OPHN1: variants seen among roughly 807,000 people sequenced by gnomAD.
OPHN1 encodes oligophrenin-1.
Under a neutral mutation model 60.7 loss-of-function variants are expected in OPHN1, and 11 were observed. The ratio of observed to expected loss-of-function variants is 0.18; its 90% CI spans 0.11 to 0.30. The LOEUF (loss-of-function observed/expected upper bound fraction) is 0.30, where lower values mean the gene tolerates loss of function less well. OPHN1 is among the 10% of genes least tolerant of loss of function. The pLI, the probability that OPHN1 is intolerant of heterozygous loss-of-function variation, is 1.00. For synonymous variants in OPHN1, 226 were observed against 222.6 expected, an observed-to-expected ratio of 1.02 and a Z score of -0.14; for missense variants, 449 against 611.0, an observed-to-expected ratio of 0.73 and a Z score of 2.80.
rs1166385331 is a variant in OPHN1, at chrX:68,073,171, A to G, written c.1815T>C (p.Ser605=). ...LLRERTVFYT[S]SLDESEDEIQ... ...ACTGACCTTCGCTTTCATCCAGGGA[A>G]GAAGTATAGAAAACCGTCCTTTCTC... Residue 605 remains serine, a synonymous_variant, in exon 20 of 25, where the codon TCT becomes TCC. Coordinates refer to ENST00000355520, the MANE Select transcript of OPHN1 (RefSeq NM_002547.3). 25 of 1,208,034 alleles carry G rather than the reference A, an allele frequency of 2.1e-5. No homozygotes were observed. In the Admixed American group the frequency reaches 5.5e-4, roughly 26 times the overall value.
At position 68,046,430 on chromosome X, in the gene OPHN1, G is replaced by T. The variant is rs1416345024; in HGVS notation, c.*742C>A. The stretch of plus-strand genomic sequence containing the variant: ...CTTGACAGGAAGCTGTCAAAAAAAA[G>T]GAGAAAGAATAATCCAAATAGACCT... On this transcript the variant is annotated 3_prime_UTR_variant, in exon 25 of 25. Coordinates refer to ENST00000355520, the MANE Select transcript of OPHN1 (RefSeq NM_002547.3). 2 of 112,112 alleles carry T rather than the reference G, an allele frequency of 1.8e-5. No individual in the cohort carries two copies. The highest frequency in any genetic ancestry group is 6.5e-5 in the African/African-American group (2 of 30,857). 9.2% of individuals were successfully genotyped at this position (112,112 alleles called of 1,213,427 possible).
intron 5 of OPHN1, among the ~76,000 whole-genome samples, chrX:68,262,078 C>T (rs1015022406): frequency 2.7e-5 from 3 of 111,119 alleles, no homozygotes; most frequent in Non-Finnish European, 3.8e-5. Flanking sequence ...CAGAAGTAAG[C>T]AGTACAAGAA....
At chrX:68,258,533 G>A (rs182536827) in intron 5 of OPHN1, among the ~76,000 whole-genome samples, 7 of 106,106 alleles carry the variant, frequency 6.6e-5, no homozygotes, top group Admixed American at 2.0e-4. Context: ...TTGTCCTTGC[G>A]ATAGTTTGCT....
chrX:68,127,142 T>C (rs2077175093), intron 15 of OPHN1, among the ~76,000 whole-genome samples: 1 of 111,321 alleles, frequency 9.0e-6, no homozygotes, highest in African/African-American at 3.3e-5. Flanking sequence ...AAAAGTTTCC[T>C]CCATAAAAAG....
At chrX:68,245,073 T>C (rs1045980364) in intron 5 of OPHN1, among the ~76,000 whole-genome samples, 3 of 111,712 alleles carry the variant, frequency 2.7e-5, no homozygotes, top group African/African-American at 9.8e-5. Context: ...ACTCTCAATA[T>C]TCCCAATGTA....
rs727504062 is a variant in OPHN1 at position 68,274,762 on chromosome X, C to T, written c.360G>A (p.Arg120=). 2.5e-6 allele frequency: 3 copies of T among 1,204,046 alleles called. No homozygotes were observed. The Middle Eastern group carries it at 7.2e-4, about 288-fold the overall frequency. The change falls in exon 5 of 25, where the codon CGG becomes CGA. Residue 120 remains arginine, a synonymous_variant. Transcript: ENST00000355520. ...CCTTGGTGAAGCCTATTTGTTCCTTCCGGAAATTTTCCAAGGGTTTAATCA... is the reference window on the plus strand; with the variant it reads ...CCTTGGTGAAGCCTATTTGTTCCTTTCGGAAATTTTCCAAGGGTTTAATCA... ...DLLIKPLENF[R]KEQIGFTKER...
chrX:68,179,599 C>T (rs779602372), intron 15 of OPHN1, among the ~76,000 whole-genome samples: 7 of 111,481 alleles, frequency 6.3e-5, no homozygotes, highest in Admixed American at 9.6e-5. Flanking sequence ...TCACTGTATC[C>T]GGCTTTGAGC....
chrX:68,106,072 C>T (rs762926582), intron 18 of OPHN1, among the ~76,000 whole-genome samples: 5 of 81,420 alleles, frequency 6.1e-5, no homozygotes, highest in East Asian at 4.0e-4. Context: ...ACACACACAA[C>T]GAGAGAGAGA....
At chrX:68,264,549 A>G (rs6653254) in intron 5 of OPHN1, among the ~76,000 whole-genome samples, 34,749 of 111,112 alleles carry the variant, frequency 0.31, 6,574 homozygotes, top group African/African-American at 0.72. Flanking sequence ...AATCAGGGTA[A>G]AGCCAAGATG....
intron 2 of OPHN1, among the ~76,000 whole-genome samples, chrX:68,428,958 A>G (rs1419209804): frequency 8.9e-6 from 1 of 112,585 alleles, no homozygotes; most frequent in Non-Finnish European, 1.9e-5. Flanking sequence ...AGAAACCTAC[A>G]GAAAATGACA....
intron 9 of OPHN1, among the ~76,000 whole-genome samples, chrX:68,207,434 T>G (rs771403240): frequency 8.1e-5 from 9 of 110,991 alleles, no homozygotes; most frequent in Non-Finnish European, 1.3e-4. Flanking sequence ...CTGGGCCCAG[T>G]GTCTTATTTT....
At position 68,053,724 on chromosome X, in the gene OPHN1, A is replaced by C. The variant is rs1251742712; in HGVS notation, c.2245T>G (p.Cys749Gly). Reference protein sequence around the residue: ...RPPVRPPDPPCRAATPQKPEP... With the variant: ...RPPVRPPDPPGRAATPQKPEP... ...GGCTTTTGGGGAGTAGCTGCCCGGCAGGGAGGATCTGGGGGCCTCACTGGG... is the reference window on the plus strand; with the variant it reads ...GGCTTTTGGGGAGTAGCTGCCCGGCCGGGAGGATCTGGGGGCCTCACTGGG... The change falls in exon 22 of 25, where the codon TGC becomes GGC. Residue 749 changes from cysteine to glycine, a missense_variant. By Grantham distance (159) the Cys-to-Gly change is radical. Transcript: ENST00000355520. 1.7e-6 allele frequency: 2 copies of C among 1,211,273 alleles called. No homozygotes were observed. Among genetic ancestry groups the C allele is most frequent in the Admixed American group, 2.2e-5 (1 of 45,994 alleles).
chrX:68,133,190 C>T lies in OPHN1; in HGVS notation c.1277-13858G>A. ...AGCTTGTGCTTCAGAAAGTCAACCT[C>T]ACTCCTCAGCACTCATAGCACCTAG... On this transcript the variant is annotated intron_variant, in intron 15 of 24. Coordinates refer to ENST00000355520, the MANE Select transcript of OPHN1 (RefSeq NM_002547.3). 7 of 772,462 alleles carry T rather than the reference C, an allele frequency of 9.1e-6. No homozygotes were observed. The South Asian group carries it at 1.0e-4, about 12-fold the overall frequency. 63.7% of individuals were successfully genotyped at this position (772,462 alleles called of 1,213,427 possible). A position where few individuals can be genotyped will look rare whatever the true frequency, so the allele number is the denominator to read the frequency against.
intron 2 of OPHN1, among the ~76,000 whole-genome samples, chrX:68,401,802 G>C (rs2078715952): frequency 9.0e-6 from 1 of 111,628 alleles, no homozygotes; most frequent in South Asian, 3.8e-4. Flanking sequence ...AGAATGGCCT[G>C]AGCAAAAGAG....
chrX:68,384,974 T>C (rs987385143), intron 2 of OPHN1, among the ~76,000 whole-genome samples: 1 of 110,894 alleles, frequency 9.0e-6, no homozygotes, highest in Non-Finnish European at 1.9e-5. Context: ...GCTTGGGTGA[T>C]GGGTGCACCA....
chrX:68,230,734 G>A, intron 6 of OPHN1, among the ~76,000 whole-genome samples: 1 of 86,518 alleles, frequency 1.2e-5, no homozygotes. Flanking sequence ...TGGATACAGG[G>A]TGGGGAACAT....
chrX:68,351,683 T>C (rs2078411396), intron 2 of OPHN1, among the ~76,000 whole-genome samples: 2 of 110,595 alleles, frequency 1.8e-5, no homozygotes, highest in African/African-American at 6.6e-5. Context: ...TGTTTGGTTT[T>C]CTGGTTTTTT....
Position 68,210,251 on chromosome X carries a change from T to G in OPHN1, c.734A>C (p.Glu245Ala). 8.3e-7 allele frequency: 1 copy of G among 1,208,988 alleles called. No individual in the cohort carries two copies. Among genetic ancestry groups the G allele is most frequent in the Non-Finnish European group, 1.1e-6 (1 of 893,088 alleles). Residue 245 changes from glutamate to alanine, a missense_variant, in exon 9 of 25, where the codon GAG becomes GCG. Glu to Ala is a moderately radical substitution (Grantham distance 107). This residue lies in a region of OPHN1 where 166 missense variants were observed against 278.4 expected (regional missense o/e 0.60). Coordinates refer to ENST00000355520, the MANE Select transcript of OPHN1 (RefSeq NM_002547.3). ...CATCCTTTTCTTAAGTTCTTCCATC[T>G]CTTCCCGGGTACTGGAGAAATGATT... is the stretch of plus-strand genomic sequence containing the variant. ...TRNHFSSTREEMEELKKRMKE... is the reference protein window; with the variant it reads ...TRNHFSSTREAMEELKKRMKE...
chrX:68,356,777 G>C (rs1007568151), intron 2 of OPHN1, among the ~76,000 whole-genome samples: 1 of 111,206 alleles, frequency 9.0e-6, no homozygotes, highest in African/African-American at 3.3e-5. Flanking sequence ...GAGCCCTTCT[G>C]AATACACTGA....
Sources: gnomAD v4.1 joint callset for allele counts (sites outside exome capture counted in the v4.1 genomes callset) on GRCh38, gnomAD v4.1.1 for gene constraint, gnomAD v4.1.1 regional missense constraint, MANE v1.5 for transcripts, NCBI Gene and HGNC (gene_info 2026-07-23, HGNC 2026-07-21) for gene names.